Variants in ISM1 observed in about 807,000 individuals in gnomAD.
ISM1 encodes isthmin 1.
In ISM1, 25 loss-of-function variants were observed where a neutral mutation model predicts 46.3. The ratio of observed to expected loss-of-function variants is 0.54; its 90% CI spans 0.39 to 0.75. The LOEUF (loss-of-function observed/expected upper bound fraction) is 0.75, where lower values mean the gene tolerates loss of function less well. Ranked by LOEUF, ISM1 falls within the 30% of genes least tolerant of loss-of-function variation. The probability of loss-of-function intolerance (pLI) is 0.00; values close to 1 mark genes in which losing one functional copy is unlikely to be tolerated. For missense variants in ISM1, 536 were observed against 625.4 expected, an observed-to-expected ratio of 0.86 and a Z score of 1.52; for synonymous variants, 255 against 256.7, an observed-to-expected ratio of 0.99 and a Z score of 0.06.
At chr20:13,229,561 C>T (rs2039565700) in intron 1 of ISM1, among the ~76,000 whole-genome samples, 1 of 152,134 alleles carries the variant, frequency 6.6e-6, no homozygotes, top group Admixed American at 6.5e-5. Flanking sequence ...ATTTGTATAT[C>T]CCCATCAATG....
At position 13,239,833 on chromosome 20, in the gene ISM1, A is replaced by G. The variant is rs544849183; in HGVS notation, c.138+17919A>G. On this transcript the variant is annotated intron_variant, in intron 1 of 5. Transcript: ENST00000262487. ...TTGGCTAAGACCATACCATTCATTTATCCTACAGCCAGTACCAGACTCCAA... is the reference window on the plus strand; with the variant it reads ...TTGGCTAAGACCATACCATTCATTTGTCCTACAGCCAGTACCAGACTCCAA... 5.9e-5 allele frequency among the ~76,000 whole-genome samples: 9 copies of G among 152,366 alleles called. No homozygotes were observed. The South Asian group carries it at 1.4e-3, about 25-fold the overall frequency.
chr20:13,234,914 A>G (rs2039630880), intron 1 of ISM1, among the ~76,000 whole-genome samples: 1 of 152,218 alleles, frequency 6.6e-6, no homozygotes, highest in Admixed American at 6.5e-5. Context: ...TTTTTCCTAC[A>G]GAATCTGTAT....
intron 2 of ISM1, among the ~76,000 whole-genome samples, chr20:13,274,965 G>A (rs2040161328): frequency 6.6e-6 from 1 of 152,170 alleles, no homozygotes; most frequent in Non-Finnish European, 1.5e-5. Flanking sequence ...ATTCAGGAAA[G>A]AAAGTAAATC....
chr20:13,314,364 C>T, the ISM1 span, among the ~76,000 whole-genome samples: 2 of 151,678 alleles, frequency 1.3e-5, no homozygotes, highest in African/African-American at 4.8e-5. Context: ...AGAAAAAATT[C>T]CAAAAGAAGC....
chr20:13,257,737 C>T (rs2039943878), intron 1 of ISM1, among the ~76,000 whole-genome samples: 1 of 151,032 alleles, frequency 6.6e-6, no homozygotes, highest in African/African-American at 2.4e-5. Context: ...GAGGCCAGGA[C>T]TTCCCCTACC....
intron 1 of ISM1, among the ~76,000 whole-genome samples, chr20:13,224,201 A>G (rs1293606689): frequency 6.6e-6 from 1 of 152,186 alleles, no homozygotes; most frequent in African/African-American, 2.4e-5. Context: ...TTTTCCAAGC[A>G]GAATGATGAG....
intron 2 of ISM1, among the ~76,000 whole-genome samples, chr20:13,271,771 A>G (rs2040118287): frequency 6.6e-6 from 1 of 152,050 alleles, no homozygotes; most frequent in African/African-American, 2.4e-5. Context: ...TCGTCCTCAT[A>G]TGCCTGCTTC....
chr20:13,239,926 C>G (rs540905585), intron 1 of ISM1, among the ~76,000 whole-genome samples: 2 of 152,272 alleles, frequency 1.3e-5, no homozygotes, highest in African/African-American at 4.8e-5. Flanking sequence ...TTTTATAGCC[C>G]CACTTAGCTA....
At chr20:13,287,407 C>T (rs112449984) in intron 3 of ISM1, among the ~76,000 whole-genome samples, 14 of 152,284 alleles carry the variant, frequency 9.2e-5, no homozygotes, top group African/African-American at 3.4e-4. Context: ...GCTGGCCCCA[C>T]TCTTGACACA....
At chr20:13,266,942 A>G (rs930778426) in intron 1 of ISM1, among the ~76,000 whole-genome samples, 3 of 152,234 alleles carry the variant, frequency 2.0e-5, no homozygotes, top group African/African-American at 4.8e-5. Flanking sequence ...GAGGATGTGC[A>G]GTAAGTCCCT....
intron 1 of ISM1, among the ~76,000 whole-genome samples, chr20:13,238,483 C>T (rs1259161609): frequency 1.3e-5 from 2 of 152,064 alleles, no homozygotes; most frequent in South Asian, 2.1e-4. Context: ...ACTCCTGGAT[C>T]GATTATACAT....
the ISM1 span, among the ~76,000 whole-genome samples, chr20:13,316,031 T>C: frequency 6.6e-6 from 1 of 151,866 alleles, no homozygotes; most frequent in Non-Finnish European, 1.5e-5. Flanking sequence ...GGTAAATAAA[T>C]TCAATAAGCT....
intron 1 of ISM1, among the ~76,000 whole-genome samples, chr20:13,254,611 C>T (rs1014784101): frequency 3.3e-5 from 5 of 152,134 alleles, no homozygotes; most frequent in African/African-American, 1.2e-4. Flanking sequence ...TTGGTACCTC[C>T]AGCACAGTCT....
At chr20:13,279,502 T>C in intron 2 of ISM1, 132 bp from the exon 3 acceptor site, 2 of 862,390 alleles carry the variant, frequency 2.3e-6, no homozygotes, top group African/African-American at 1.7e-5. Context: ...TGTATCGCCA[T>C]GCAATCTCAG....
chr20:13,310,585 G>C, the ISM1 span, among the ~76,000 whole-genome samples: 1 of 152,116 alleles, frequency 6.6e-6, no homozygotes, highest in Non-Finnish European at 1.5e-5. Flanking sequence ...TGCATCAAAG[G>C]AAAAAGGTTC....
intron 1 of ISM1, among the ~76,000 whole-genome samples, chr20:13,247,232 C>CA (rs1042712593): frequency 2.4e-4 from 36 of 147,660 alleles, no homozygotes; most frequent in African/African-American, 5.2e-4. Context: ...ATCTCCGTCT[C>CA]AAAAAAAAAA....
At chr20:13,297,546 CCTGGA>C (rs2040418994) in intron 5 of ISM1, among the ~76,000 whole-genome samples, 1 of 152,164 alleles carries the variant, frequency 6.6e-6, no homozygotes, top group Admixed American at 6.5e-5. Context: ...AACCTGAAGT[CCTGGA>C]CTCAGATGAC....
At chr20:13,238,715 G>A (rs1295833640) in intron 1 of ISM1, among the ~76,000 whole-genome samples, 3 of 152,190 alleles carry the variant, frequency 2.0e-5, no homozygotes, top group Admixed American at 6.5e-5. Flanking sequence ...TCTGACCCAG[G>A]TGGTGGAGAA....
At chr20:13,269,105 G>A (rs1308085820) in intron 1 of ISM1, among the ~76,000 whole-genome samples, 1 of 152,076 alleles carries the variant, frequency 6.6e-6, no homozygotes, top group Non-Finnish European at 1.5e-5. Flanking sequence ...GGGCAAAGAG[G>A]GCGTGTGGAG....
Sources: allele counts gnomAD v4.1 joint callset (sites outside exome capture counted in the v4.1 genomes callset), GRCh38; gene constraint gnomAD v4.1.1; transcripts MANE v1.5; gene names NCBI Gene and HGNC (gene_info 2026-07-23, HGNC 2026-07-21).